The following TWF2 variants were observed in gnomAD, a reference collection of about 807,000 sequenced individuals.
The protein encoded by TWF2 is twinfilin actin binding protein 2.
TWF2 carries 15 observed loss-of-function variants against 45.1 expected under a neutral mutation model. The observed-to-expected ratio is 0.33, with a 90% CI of 0.22 to 0.51. The LOEUF is 0.51. TWF2 is among the 20% of genes least tolerant of loss of function. The pLI is 0.97. For missense variants in TWF2, 423 were observed against 469.1 expected (o/e 0.90, Z 0.91); for synonymous variants, 177 against 195.8 (o/e 0.90, Z 0.80).
chr3:52,234,029 G>A (rs1410043074), intron 2 of TWF2, among the ~76,000 whole-genome samples: 1 of 151,990 alleles, frequency 6.6e-6, no homozygotes, highest in Non-Finnish European at 1.5e-5. Context: ...GGTGGCTGTG[G>A]CCTGCCACTC....
chr3:52,232,925 G>A (rs764554240), intron 2 of TWF2, among the ~76,000 whole-genome samples: 1 of 152,172 alleles, frequency 6.6e-6, no homozygotes, highest in African/African-American at 2.4e-5. Flanking sequence ...TGGGAGAATC[G>A]CTTGAACCCA....
rs532648493 is a variant in TWF2, at chr3:52,231,314, C to T, written c.379-83G>A. The T allele has an allele frequency of 4.9e-5, 77 of 1,580,480 alleles. 1 individual carries two copies. The Admixed American group carries it at 1.1e-3, about 22-fold the overall frequency. On this transcript the variant is annotated intron_variant, in intron 4 of 8. Transcript: ENST00000305533. ...GAGGCCCACGGAGCACGCCAGCTTG[C>T]AGCCCTTGGACTCCCCCAGCGCCCC...
At position 52,231,172 on chromosome 3, in the gene TWF2, C is replaced by A; in HGVS notation, c.438G>T (p.Pro146=). ...KHLSSCAAPA[P]LTSAERELQQ... ...GGAGCTCTCTCTCAGCCGAGGTCAG[C>A]GGGGCAGGTGCCGCACAGGACGACA... Residue 146 remains proline (P), a synonymous_variant, in exon 5 of 9, where the codon CCG becomes CCT. Coordinates refer to ENST00000305533, the MANE Select transcript of TWF2 (RefSeq NM_007284.4). 1 of 1,613,996 alleles carries A rather than the reference C, an allele frequency of 6.2e-7. No individual in the cohort carries two copies.
At position 52,230,074 on chromosome 3, in the gene TWF2, C is replaced by A; in HGVS notation, c.610-4G>T. 1 of 1,578,510 alleles carries A rather than the reference C, an allele frequency of 6.3e-7. No homozygotes were observed. Among genetic ancestry groups the A allele is most frequent in the Non-Finnish European group, 8.6e-7 (1 of 1,164,138 alleles). The stretch of plus-strand genomic sequence containing the variant: ...TTTCCCGCTCTAGGTCCAGCTTCTG[C>A]CCAGGGCCAAGGGAAGATGGGAGAG... On this transcript the variant is annotated splice_polypyrimidine_tract_variant and splice_region_variant and intron_variant, in intron 6 of 8. Coordinates refer to ENST00000305533, the MANE Select transcript of TWF2 (RefSeq NM_007284.4).
chr3:52,238,978 C>T lies in TWF2; in HGVS notation c.25+14G>A. On this transcript the variant is annotated intron_variant, in intron 1 of 8. Coordinates refer to ENST00000305533, the MANE Select transcript of TWF2 (RefSeq NM_007284.4). ...CAGACCGAGGCCCCCTGCCCGCCCGCCATCCGCCCTCACCGTGGATGCCCG... is the reference window on the plus strand; with the variant it reads ...CAGACCGAGGCCCCCTGCCCGCCCGTCATCCGCCCTCACCGTGGATGCCCG... 1.3e-6 allele frequency: 2 copies of T among 1,593,710 alleles called. No homozygotes were observed. Among genetic ancestry groups the T allele is most frequent in the Non-Finnish European group, 8.5e-7 (1 of 1,177,112 alleles).
intron 3 of TWF2, 135 bp downstream of exon 3, chr3:52,231,809 A>G (rs994634446): frequency 5.2e-5 from 69 of 1,322,510 alleles, no homozygotes; most frequent in Non-Finnish European, 6.4e-5. Flanking sequence ...CAGACTCCCT[A>G]GGGCACGGCC....
At position 52,235,045 on chromosome 3, in the gene TWF2, C is replaced by T; in HGVS notation, c.87G>A (p.Lys29=). ...KARAGSVRLI[K]VVIEDEQLVL... is the part of the protein sequence containing the mutation. ...GGCACTCACCGTCCTCAATCACAAC[C>T]TTGATGAGCCGCACAGAGCCAGCCC... The change falls in exon 2 of 9, where the codon AAG becomes AAA. Residue 29 remains lysine (K), a synonymous_variant. Transcript: ENST00000305533. 3 of 1,613,926 alleles carry T rather than the reference C, an allele frequency of 1.9e-6. No homozygotes were observed. The highest frequency in any genetic ancestry group is 1.7e-6 in the Non-Finnish European group (2 of 1,180,038).
chr3:52,231,677 A>G (rs1325028258), intron 3 of TWF2, 138 bp from the exon 4 acceptor site: 2 of 1,061,670 alleles, frequency 1.9e-6, no homozygotes, highest in East Asian at 5.0e-5. Context: ...GCCAGGACGC[A>G]GCAGGTGGCC....
At chr3:52,233,614 C>T (rs1699698911) in intron 2 of TWF2, among the ~76,000 whole-genome samples, 1 of 152,160 alleles carries the variant, frequency 6.6e-6, no homozygotes, top group Non-Finnish European at 1.5e-5. Context: ...AAAGTCAATC[C>T]AGAGATTCCT....
At chr3:52,238,328 T>C (rs1699746410) in intron 1 of TWF2, among the ~76,000 whole-genome samples, 1 of 152,206 alleles carries the variant, frequency 6.6e-6, no homozygotes, top group Non-Finnish European at 1.5e-5. Context: ...CCATCCCACG[T>C]AGAAGTCTCT....
rs200871213 is a variant in TWF2, at chr3:52,236,318, A to G, written c.26-1212T>C. Among the ~76,000 whole-genome samples, 50 of 152,008 alleles carry G rather than the reference A, an allele frequency of 3.3e-4. No individual in the cohort carries two copies. The East Asian group carries it at 4.6e-3, about 14-fold the overall frequency. On this transcript the variant is annotated intron_variant, in intron 1 of 8. Transcript: ENST00000305533. ...CTCCGCCTCAGAAAAAAAAAAAAAA[A>G]AGAGACTCCATCTTGGTCATTGGGC...
chr3:52,235,266 C>A (rs570343161), intron 1 of TWF2, among the ~76,000 whole-genome samples, 160 bp from the exon 2 acceptor site: 3 of 152,168 alleles, frequency 2.0e-5, no homozygotes, highest in South Asian at 2.1e-4. Context: ...TGAACACAAG[C>A]TCCCAAATTT....
intron 2 of TWF2, among the ~76,000 whole-genome samples, chr3:52,232,718 A>G (rs559388931): frequency 1.3e-5 from 2 of 152,320 alleles, no homozygotes; most frequent in East Asian, 3.9e-4. Context: ...AGTCCCCTCG[A>G]AAATGTCACA....
chr3:52,229,737 C>T lies in TWF2; in HGVS notation c.806G>A (p.Arg269Gln). ...MPGYKCSIKE[R>Q]MLYSSCKSRL... ...GCTCTTGCAGCTGGAGTAGAGCATT[C>T]GCTCCTTGATGCTGCACTTGTACCC... Residue 269 changes from arginine (R) to glutamine (Q), a missense_variant, in exon 8 of 9, where the codon CGA (arginine) becomes CAA (glutamine). By Grantham distance (43) the Arg-to-Gln change is conservative. Transcript: ENST00000305533. The T allele has an allele frequency of 3.7e-6, 6 of 1,613,254 alleles. No homozygotes were observed. The highest frequency in any genetic ancestry group is 1.6e-4 in the Middle Eastern group (1 of 6,062).
intron 1 of TWF2, among the ~76,000 whole-genome samples, chr3:52,236,479 G>C (rs112231836): frequency 6.6e-6 from 1 of 152,176 alleles, no homozygotes; most frequent in African/African-American, 2.4e-5. Context: ...ATGTGGGGAA[G>C]GGCCCTGCTT....
rs1699660387 is a variant in TWF2 at position 52,229,736 on chromosome 3, T to C, written c.807A>G (p.Arg269=). The C allele has an allele frequency of 6.2e-7, 1 of 1,613,296 alleles. No homozygotes were observed. The highest frequency in any genetic ancestry group is 2.2e-5 in the East Asian group (1 of 44,884). The change falls in exon 8 of 9, where the codon CGA becomes CGG. Residue 269 remains arginine (R), a synonymous_variant. Coordinates refer to ENST00000305533, the MANE Select transcript of TWF2 (RefSeq NM_007284.4). ...MPGYKCSIKE[R]MLYSSCKSRL... is the part of the protein sequence containing the mutation. The stretch of plus-strand genomic sequence containing the variant: ...GGCTCTTGCAGCTGGAGTAGAGCAT[T>C]CGCTCCTTGATGCTGCACTTGTACC...
intron 1 of TWF2, among the ~76,000 whole-genome samples, chr3:52,236,075 C>A (rs1245811637): frequency 6.6e-6 from 1 of 151,960 alleles, no homozygotes; most frequent in Non-Finnish European, 1.5e-5. Context: ...CCAAGGCGGG[C>A]AGATCACCTG....
At chr3:52,231,712 C>T (rs1188077137) in intron 3 of TWF2, among the ~76,000 whole-genome samples, 173 bp from the exon 4 acceptor site, 1 of 152,222 alleles carries the variant, frequency 6.6e-6, no homozygotes, top group East Asian at 1.9e-4. Flanking sequence ...GAGCCCTCGT[C>T]CAGCCTGATC....
intron 2 of TWF2, among the ~76,000 whole-genome samples, chr3:52,234,293 C>T (rs1396896118): frequency 6.6e-6 from 1 of 152,120 alleles, no homozygotes; most frequent in East Asian, 1.9e-4. Flanking sequence ...CACCCCAGTC[C>T]CAAAGTCTGT....
Sources: allele counts gnomAD v4.1 joint callset (sites outside exome capture counted in the v4.1 genomes callset), GRCh38; gene constraint gnomAD v4.1.1; transcripts MANE v1.5; gene names NCBI Gene and HGNC (gene_info 2026-07-23, HGNC 2026-07-21).